The following SCHIP1 variants were observed in gnomAD, a reference collection of about 807,000 sequenced individuals.
SCHIP1 encodes the protein schwannomin-interacting protein 1.
SCHIP1 carries 8 observed loss-of-function variants against 29.7 expected under a neutral mutation model. That is an observed-to-expected ratio of 0.27 (90% CI 0.16 to 0.49). The LOEUF (loss-of-function observed/expected upper bound fraction) is 0.49, where lower values mean the gene tolerates loss of function less well. Among genes scored for constraint, SCHIP1 ranks in the 20% least tolerant of loss-of-function variants. The pLI is 0.99. For missense variants in SCHIP1, 193 were observed against 294.6 expected, an observed-to-expected ratio of 0.66 and a Z score of 2.52; for synonymous variants, 76 against 94.9, an observed-to-expected ratio of 0.80 and a Z score of 1.16.
At chr3:159,388,306 G>C in the SCHIP1 span, among the ~76,000 whole-genome samples, 6 of 152,030 alleles carry the variant, frequency 3.9e-5, no homozygotes, top group Admixed American at 6.6e-5. Flanking sequence ...CTTAGAAAAT[G>C]TAATAGTAAA....
At chr3:159,463,746 A>G in the SCHIP1 span, among the ~76,000 whole-genome samples, 200 of 151,784 alleles carry the variant, frequency 1.3e-3, no homozygotes, top group Non-Finnish European at 1.9e-3. Flanking sequence ...AATGAGATAT[A>G]TATATATATA....
the SCHIP1 span, among the ~76,000 whole-genome samples, chr3:159,501,130 G>A: frequency 6.6e-5 from 10 of 152,168 alleles, no homozygotes; most frequent in South Asian, 2.1e-4. Context: ...TTTTACACTT[G>A]AGCTGGGAAA....
At chr3:159,850,469 A>G (rs1012934826) in intron 1 of SCHIP1, among the ~76,000 whole-genome samples, 1 of 146,824 alleles carries the variant, frequency 6.8e-6, no homozygotes, top group Non-Finnish European at 1.5e-5. Context: ...TCGAAGAATC[A>G]CTTGAACCTG....
At position 159,857,195 on chromosome 3, in the gene SCHIP1, G is replaced by A. The variant is rs180819243; in HGVS notation, c.31-8968G>A. ...TCATATCACCCCATTGGCACACCTCGGTTAGCCAGCATGGTCAGGGAATGG... is the reference window on the plus strand; with the variant it reads ...TCATATCACCCCATTGGCACACCTCAGTTAGCCAGCATGGTCAGGGAATGG... On this transcript the variant is annotated intron_variant, in intron 1 of 6. Coordinates refer to ENST00000445224, the Ensembl canonical transcript of SCHIP1. Among the ~76,000 whole-genome samples the A allele has an allele frequency of 4.6e-5, 7 of 152,260 alleles. No individual in the cohort carries two copies. In the East Asian group the frequency reaches 5.8e-4, roughly 13 times the overall value.
At chr3:159,517,737 G>A in the SCHIP1 span, among the ~76,000 whole-genome samples, 1 of 151,710 alleles carries the variant, frequency 6.6e-6, no homozygotes, top group East Asian at 1.9e-4. Flanking sequence ...TATATTGACA[G>A]TACACCCTAA....
intron 5 of SCHIP1, 40 bp from the exon 7 acceptor site, chr3:159,892,057 C>T (rs1560099387): frequency 6.3e-7 from 1 of 1,593,176 alleles, no homozygotes; most frequent in African/African-American, 1.4e-5. Flanking sequence ...GACTTGGAGG[C>T]AGTTTTATCT....
At chr3:159,734,787 CTTTTT>C in the SCHIP1 span, among the ~76,000 whole-genome samples, 9 of 110,488 alleles carry the variant, frequency 8.1e-5, no homozygotes, top group Middle Eastern at 6.1e-3. Context: ...CTTTTCTTGT[CTTTTT>C]TTTTTTTTTT....
At chr3:159,749,556 G>A in the SCHIP1 span, among the ~76,000 whole-genome samples, 109,234 of 151,864 alleles carry the variant, frequency 0.72, 39,816 homozygotes, top group Middle Eastern at 0.91. Context: ...CGCGCTTTAG[G>A]TTGCTGGGCA....
chr3:159,273,942 A>G, the SCHIP1 span: 2 of 1,591,718 alleles, frequency 1.3e-6, no homozygotes, highest in Admixed American at 1.8e-5. Flanking sequence ...ACAAATGAAG[A>G]GAGAAAACTT....
At chr3:159,387,984 G>C in the SCHIP1 span, among the ~76,000 whole-genome samples, 1 of 152,114 alleles carries the variant, frequency 6.6e-6, no homozygotes, top group Non-Finnish European at 1.5e-5. Flanking sequence ...AGAGCTATTA[G>C]AAACATAAGA....
the SCHIP1 span, among the ~76,000 whole-genome samples, chr3:159,788,929 G>A: frequency 4.6e-5 from 7 of 152,036 alleles, no homozygotes; most frequent in East Asian, 1.9e-4. Context: ...CTTTTTGAGG[G>A]CTGACATGAT....
At chr3:159,400,397 G>C in the SCHIP1 span, among the ~76,000 whole-genome samples, 1 of 152,176 alleles carries the variant, frequency 6.6e-6, no homozygotes, top group East Asian at 1.9e-4. Context: ...TATTCATTAA[G>C]TAATATTTCA....
the SCHIP1 span, among the ~76,000 whole-genome samples, chr3:159,740,402 C>A: frequency 6.6e-6 from 1 of 152,236 alleles, no homozygotes; most frequent in South Asian, 2.1e-4. Flanking sequence ...CTAAGGAACA[C>A]TGGAGAATGG....
At chr3:159,681,261 A>T in the SCHIP1 span, among the ~76,000 whole-genome samples, 1 of 151,944 alleles carries the variant, frequency 6.6e-6, no homozygotes, top group East Asian at 1.9e-4. Flanking sequence ...CCTGCAGAAG[A>T]TTTGGATTTC....
chr3:159,566,030 C>CTCCAAAGTAAT, the SCHIP1 span, among the ~76,000 whole-genome samples: 1 of 152,148 alleles, frequency 6.6e-6, no homozygotes, highest in Non-Finnish European at 1.5e-5. Context: ...GAAAAATTAT[C>CTCCAAAGTAAT]TCCAAAGTAA....
chr3:159,577,791 G>A, the SCHIP1 span, among the ~76,000 whole-genome samples: 22 of 152,282 alleles, frequency 1.4e-4, 1 homozygote, highest in Admixed American at 7.9e-4. Flanking sequence ...CTGTGAAGGA[G>A]CAGATAAAAT....
chr3:159,514,301 T>C, the SCHIP1 span, among the ~76,000 whole-genome samples: 2 of 152,234 alleles, frequency 1.3e-5, no homozygotes, highest in Non-Finnish European at 2.9e-5. Context: ...GCTGATACAT[T>C]TTCACAACTA....
chr3:159,467,119 A>G, the SCHIP1 span, among the ~76,000 whole-genome samples: 13 of 152,138 alleles, frequency 8.5e-5, no homozygotes, highest in Non-Finnish European at 1.9e-4. Flanking sequence ...CTCTCTGCAC[A>G]TACACACACA....
the SCHIP1 span, chr3:159,273,962 A>C: frequency 1.5e-5 from 23 of 1,562,270 alleles, no homozygotes; most frequent in Non-Finnish European, 2.0e-5. Flanking sequence ...TCAAAGTCGA[A>C]CTAAGTAACT....
Sources: gnomAD v4.1 joint callset for allele counts (sites outside exome capture counted in the v4.1 genomes callset) on GRCh38, gnomAD v4.1.1 for gene constraint, MANE v1.5 for transcripts, NCBI Gene and HGNC (gene_info 2026-07-23, HGNC 2026-07-21) for gene names.